Variants in LRRC4C observed in about 807,000 individuals in gnomAD.
LRRC4C encodes leucine rich repeat containing 4C.
LRRC4C carries 5 observed loss-of-function variants against 33.6 expected under a neutral mutation model. The ratio of observed to expected loss-of-function variants is 0.15; its 90% confidence interval spans 0.08 to 0.31. The LOEUF (loss-of-function observed/expected upper bound fraction) is 0.31, where lower values mean the gene tolerates loss of function less well. Among genes scored for constraint, LRRC4C ranks in the 10% least tolerant of loss-of-function variants. The pLI is 1.00. For synonymous variants in LRRC4C, 329 were observed against 302.0 expected (o/e 1.09, Z -0.93); for missense variants, 560 against 796.7 (o/e 0.70, Z 3.58).
chr11:40,283,424 T>TAA (rs199766458), intron 4 of LRRC4C, among the ~76,000 whole-genome samples: 3 of 149,060 alleles, frequency 2.0e-5, no homozygotes. Flanking sequence ...TTAGTAAAAG[T>TAA]AAAAAAAAAA....
intron 3 of LRRC4C, among the ~76,000 whole-genome samples, chr11:40,409,730 A>G (rs560338237): frequency 6.6e-6 from 1 of 152,144 alleles, no homozygotes; most frequent in African/African-American, 2.4e-5. Flanking sequence ...AGATGAAAAT[A>G]ACACGGTTTA....
chr11:40,801,100 A>G (rs1951023207), intron 2 of LRRC4C, among the ~76,000 whole-genome samples: 1 of 152,174 alleles, frequency 6.6e-6, no homozygotes, highest in Non-Finnish European at 1.5e-5. Flanking sequence ...TGATTTCCAT[A>G]GTCACAATGA....
At chr11:40,957,840 T>G (rs1959029694) in intron 1 of LRRC4C, among the ~76,000 whole-genome samples, 1 of 151,516 alleles carries the variant, frequency 6.6e-6, no homozygotes, top group South Asian at 2.1e-4. Context: ...TATTAAGGAG[T>G]AATTAAAATC....
chr11:41,250,924 T>A (rs7943333), intron 1 of LRRC4C, among the ~76,000 whole-genome samples: 16,886 of 152,236 alleles, frequency 0.11, 1,004 homozygotes, highest in Middle Eastern at 0.21. Flanking sequence ...CAGCAAATTT[T>A]AAAAAATATT....
At chr11:41,102,119 A>G (rs1941226883) in intron 1 of LRRC4C, among the ~76,000 whole-genome samples, 1 of 151,998 alleles carries the variant, frequency 6.6e-6, no homozygotes, top group Admixed American at 6.6e-5. Context: ...CCGTACATGT[A>G]CCCCTGAACC....
intron 1 of LRRC4C, among the ~76,000 whole-genome samples, chr11:41,123,259 TTG>T (rs1483464270): frequency 2.2e-5 from 1 of 46,226 alleles, no homozygotes; most frequent in Non-Finnish European, 5.5e-5. Context: ...GAGCTATGTT[TTG>T]TTTTTTTTTT....
At chr11:41,108,515 T>C (rs1941645237) in intron 1 of LRRC4C, among the ~76,000 whole-genome samples, 1 of 152,142 alleles carries the variant, frequency 6.6e-6, no homozygotes, top group African/African-American at 2.4e-5. Flanking sequence ...TTTGTGGAAC[T>C]TCAACCAAAC....
At chr11:40,966,776 T>C (rs1851394515) in intron 1 of LRRC4C, among the ~76,000 whole-genome samples, 1 of 152,012 alleles carries the variant, frequency 6.6e-6, no homozygotes, top group Non-Finnish European at 1.5e-5. Flanking sequence ...CTGCCATGAT[T>C]GTCCTTTCTT....
intron 4 of LRRC4C, among the ~76,000 whole-genome samples, chr11:40,312,394 G>A (rs1256706172): frequency 6.6e-6 from 1 of 152,164 alleles, no homozygotes; most frequent in African/African-American, 2.4e-5. Context: ...CTTCTTTGAA[G>A]TAAAGGTGAA....
chr11:40,267,630 C>T (rs1317944302), intron 4 of LRRC4C, among the ~76,000 whole-genome samples: 2 of 152,154 alleles, frequency 1.3e-5, no homozygotes, highest in Non-Finnish European at 2.9e-5. Context: ...GGATTACAGA[C>T]GTGAGCCACC....
Position 41,443,176 on chromosome 11 carries a change from G to A in LRRC4C, c.-496+16255C>T, listed in dbSNP as rs1037669278. Among the ~76,000 whole-genome samples, 3 of 121,090 alleles carry A rather than the reference G, an allele frequency of 2.5e-5. No individual in the cohort carries two copies. In the East Asian group the frequency reaches 8.1e-4, roughly 32 times the overall value. The allele number at this position is 121,090 out of a possible 152,430, so 79.4% of individuals were successfully genotyped here. On this transcript the variant is annotated intron_variant, in intron 1 of 6. Coordinates refer to ENST00000528697, the MANE Select transcript of LRRC4C (RefSeq NM_001258419.2). ...TGACTTGAAAGACAAATCCCAAAAA[G>A]AATTAACGAAGGCTTAGAAGAAACA...
At chr11:40,411,129 C>A (rs549645563) in intron 3 of LRRC4C, among the ~76,000 whole-genome samples, 2 of 152,122 alleles carry the variant, frequency 1.3e-5, no homozygotes, top group South Asian at 4.1e-4. Context: ...TGGGAAGGAA[C>A]TGATTGATAA....
chr11:41,121,287 A>G (rs1479430367), intron 1 of LRRC4C, among the ~76,000 whole-genome samples: 3 of 152,174 alleles, frequency 2.0e-5, no homozygotes, highest in Non-Finnish European at 2.9e-5. Flanking sequence ...TTGTATTTAC[A>G]GTTCAGCAAA....
At chr11:40,232,610 TCTC>T (rs1159829661) in intron 5 of LRRC4C, among the ~76,000 whole-genome samples, 4 of 152,232 alleles carry the variant, frequency 2.6e-5, no homozygotes, top group African/African-American at 9.6e-5. Flanking sequence ...CATTTGTTCT[TCTC>T]ATTGTTTTGG....
At chr11:40,428,275 A>G (rs954712852) in intron 3 of LRRC4C, among the ~76,000 whole-genome samples, 1 of 152,082 alleles carries the variant, frequency 6.6e-6, no homozygotes, top group African/African-American at 2.4e-5. Context: ...TTTTTTGATT[A>G]TAAAAGAATT....
rs146436541 is a variant in LRRC4C, at chr11:40,270,390, A to T, written c.-175-28792T>A. Among the ~76,000 whole-genome samples the T allele has an allele frequency of 1.4e-3, 218 of 152,028 alleles. 2 individuals carry two copies. Among genetic ancestry groups the T allele is most frequent in the African/African-American group, 5.0e-3 (209 of 41,458 alleles). ...CTCAGTCTTTCCTTTCTGCTTGCACATCTGGGTCCAGATTTCCTCTTCTTA... is the reference window on the plus strand; with the variant it reads ...CTCAGTCTTTCCTTTCTGCTTGCACTTCTGGGTCCAGATTTCCTCTTCTTA... On this transcript the variant is annotated intron_variant, in intron 4 of 6. Transcript: ENST00000528697.
chr11:41,043,625 G>T (rs1857581195), intron 1 of LRRC4C, among the ~76,000 whole-genome samples: 1 of 133,344 alleles, frequency 7.5e-6, no homozygotes, highest in African/African-American at 2.6e-5. Flanking sequence ...TCTTAAACAT[G>T]AAAAAACCAA....
intron 3 of LRRC4C, among the ~76,000 whole-genome samples, chr11:40,323,038 T>G (rs1349656): frequency 6.6e-6 from 1 of 152,174 alleles, no homozygotes; most frequent in African/African-American, 2.4e-5. Flanking sequence ...AATGAGAAAG[T>G]CACAAATCTC....
chr11:40,590,057 A>G (rs956587680), intron 3 of LRRC4C, among the ~76,000 whole-genome samples: 1 of 151,402 alleles, frequency 6.6e-6, no homozygotes, highest in African/African-American at 2.4e-5. Context: ...CTCCTGGATA[A>G]TATCCTGCAG....
Sources: allele counts gnomAD v4.1 joint callset (sites outside exome capture counted in the v4.1 genomes callset), GRCh38; gene constraint gnomAD v4.1.1; transcripts MANE v1.5; gene names NCBI Gene and HGNC (gene_info 2026-07-23, HGNC 2026-07-21).